Variants in PKP4 observed in about 807,000 individuals in gnomAD.
The protein encoded by PKP4 is plakophilin-4.
PKP4 carries 90 observed loss-of-function variants against 145.1 expected under a neutral mutation model. That is an observed-to-expected ratio of 0.62 (90% CI 0.52 to 0.74). PKP4 has a LOEUF of 0.74. Ranked by LOEUF, PKP4 falls within the 30% of genes least tolerant of loss-of-function variation. PKP4 has a pLI of 0.00. For synonymous variants in PKP4, 563 were observed against 577.2 expected (o/e 0.98, Z 0.35); for missense variants, 1,340 against 1,482.7 (o/e 0.90, Z 1.58).
At chr2:158,475,230 G>A (rs1329768755) in intron 1 of PKP4, among the ~76,000 whole-genome samples, 1 of 152,098 alleles carries the variant, frequency 6.6e-6, no homozygotes, top group Non-Finnish European at 1.5e-5. Flanking sequence ...AGGACCCCTG[G>A]TGCCACTTTT....
At chr2:158,534,832 T>C (rs1419270371) in intron 2 of PKP4, among the ~76,000 whole-genome samples, 3 of 152,128 alleles carry the variant, frequency 2.0e-5, no homozygotes, top group African/African-American at 7.2e-5. Context: ...TGGCAGTAAA[T>C]AGTGTTCTGA....
chr2:158,680,325 A>C (rs1175978412), intron 21 of PKP4, 104 bp from the exon 22 acceptor site: 19 of 843,796 alleles, frequency 2.3e-5, no homozygotes, highest in Non-Finnish European at 3.1e-5. Flanking sequence ...CAAATATTGA[A>C]TATTGCTTTA....
At chr2:158,644,650 G>A (rs1242117209) in intron 11 of PKP4, among the ~76,000 whole-genome samples, 1 of 152,108 alleles carries the variant, frequency 6.6e-6, no homozygotes, top group Non-Finnish European at 1.5e-5. Context: ...TTTGAATAAA[G>A]TTTTTAAATA....
intron 3 of PKP4, chr2:158,588,981 A>G (rs1258154879): frequency 6.6e-6 from 1 of 152,230 alleles, no homozygotes; most frequent in East Asian, 1.9e-4. Context: ...TCCTAGCAGC[A>G]TAAAATGTAT....
chr2:158,514,333 C>T (rs1234094502), intron 1 of PKP4, among the ~76,000 whole-genome samples: 1 of 152,192 alleles, frequency 6.6e-6, no homozygotes, highest in South Asian at 2.1e-4. Flanking sequence ...CAGTCCATTG[C>T]GTTCTCCATC....
At chr2:158,550,234 A>C (rs923921983) in intron 2 of PKP4, among the ~76,000 whole-genome samples, 2 of 133,548 alleles carry the variant, frequency 1.5e-5, no homozygotes, top group African/African-American at 2.5e-5. Context: ...GAATGAATCT[A>C]TAGCAGTATT....
At chr2:158,510,601 A>G (rs2041414040) in intron 1 of PKP4, among the ~76,000 whole-genome samples, 1 of 152,188 alleles carries the variant, frequency 6.6e-6, no homozygotes, top group Non-Finnish European at 1.5e-5. Flanking sequence ...AAAGGAAGAA[A>G]TGATTTGGTG....
intron 3 of PKP4, among the ~76,000 whole-genome samples, chr2:158,600,409 T>C (rs959380149): frequency 6.6e-6 from 1 of 152,156 alleles, no homozygotes; most frequent in Non-Finnish European, 1.5e-5. Context: ...GTGGGCACAG[T>C]GCCTACAGAC....
chr2:158,612,312 T>C (rs2105873213), intron 4 of PKP4, among the ~76,000 whole-genome samples: 1 of 152,358 alleles, frequency 6.6e-6, no homozygotes, highest in Non-Finnish European at 1.5e-5. Context: ...AAGTAATGGA[T>C]GTGTTTCTAT....
intron 1 of PKP4, among the ~76,000 whole-genome samples, chr2:158,530,504 C>CTTTTTTTTTTTT (rs869120223): frequency 3.4e-4 from 31 of 92,122 alleles, no homozygotes; most frequent in African/African-American, 1.2e-3. Flanking sequence ...CTCTTTCTTT[C>CTTTTTTTTTTTT]TTTTTTTTTT....
intron 3 of PKP4, among the ~76,000 whole-genome samples, chr2:158,599,739 A>G (rs1294272740): frequency 6.6e-6 from 1 of 152,200 alleles, no homozygotes; most frequent in Non-Finnish European, 1.5e-5. Flanking sequence ...AAGGCCAGGG[A>G]GCCAGAATCT....
chr2:158,616,604 C>T (rs1237203416), intron 4 of PKP4, among the ~76,000 whole-genome samples: 1 of 152,108 alleles, frequency 6.6e-6, no homozygotes, highest in Non-Finnish European at 1.5e-5. Flanking sequence ...ATTGCTGTCC[C>T]AAGAGTCCTG....
chr2:158,665,846 AC>A (rs2057033506), intron 15 of PKP4: 1 of 152,228 alleles, frequency 6.6e-6, no homozygotes, highest in African/African-American at 2.4e-5. Context: ...AAATATACTT[AC>A]TTTTTCACCA....
intron 3 of PKP4, among the ~76,000 whole-genome samples, chr2:158,586,322 C>T (rs1271410142): frequency 1.3e-5 from 2 of 152,168 alleles, no homozygotes; most frequent in Non-Finnish European, 2.9e-5. Flanking sequence ...TTGGCCTGTC[C>T]ACCCATCCTC....
At chr2:158,571,872 AGGAGCG>A (rs1280344622) in intron 2 of PKP4, among the ~76,000 whole-genome samples, 1 of 152,166 alleles carries the variant, frequency 6.6e-6, no homozygotes, top group East Asian at 1.9e-4. Context: ...TGCTCATCAA[AGGAGCG>A]GGAGTGCAGA....
intron 2 of PKP4, among the ~76,000 whole-genome samples, chr2:158,551,035 T>C (rs1217641075): frequency 6.6e-6 from 1 of 152,226 alleles, no homozygotes; most frequent in Non-Finnish European, 1.5e-5. Context: ...ATTTTTAGAA[T>C]AAGATTTTAC....
chr2:158,665,683 G>A (rs1025167882), intron 15 of PKP4, among the ~76,000 whole-genome samples: 2 of 152,196 alleles, frequency 1.3e-5, no homozygotes, highest in Non-Finnish European at 2.9e-5. Flanking sequence ...TTGTTTCACT[G>A]ATGACTTAGC....
At chr2:158,656,344 C>T (rs2055915126) in intron 11 of PKP4, among the ~76,000 whole-genome samples, 1 of 125,122 alleles carries the variant, frequency 8.0e-6, no homozygotes, top group African/African-American at 3.0e-5. Context: ...TCATAAGCAC[C>T]CATAATGCGT....
intron 4 of PKP4, among the ~76,000 whole-genome samples, chr2:158,614,039 G>A (rs2051369810): frequency 6.6e-6 from 1 of 152,084 alleles, no homozygotes; most frequent in African/African-American, 2.4e-5. Flanking sequence ...AGCTTGACGA[G>A]TACAAGCCAA....
Sources: gnomAD v4.1 joint callset for allele counts (sites outside exome capture counted in the v4.1 genomes callset) on GRCh38, gnomAD v4.1.1 for gene constraint, MANE v1.5 for transcripts, NCBI Gene and HGNC (gene_info 2026-07-23, HGNC 2026-07-21) for gene names.